GPHN: variants seen among roughly 807,000 people sequenced by gnomAD.
GPHN encodes the protein gephyrin.
GPHN carries 17 observed loss-of-function variants against 95.5 expected under a neutral mutation model. The ratio of observed to expected loss-of-function variants is 0.18; its 90% CI spans 0.12 to 0.27. The LOEUF is 0.27. Ranked by LOEUF, GPHN falls within the 10% of genes least tolerant of loss-of-function variation. GPHN has a pLI of 1.00. For missense variants in GPHN, 660 were observed against 978.1 expected (o/e 0.67, Z 4.34); for synonymous variants, 320 against 322.5 (o/e 0.99, Z 0.08).
the GPHN span, among the ~76,000 whole-genome samples, chr14:67,511,193 A>T: frequency 6.6e-6 from 1 of 152,184 alleles, no homozygotes; most frequent in Non-Finnish European, 1.5e-5. Flanking sequence ...TCGTCATTCA[A>T]GTCTAACTGC....
At chr14:66,812,348 G>A (rs954341361) in intron 3 of GPHN, among the ~76,000 whole-genome samples, 1 of 152,186 alleles carries the variant, frequency 6.6e-6, no homozygotes, top group African/African-American at 2.4e-5. Context: ...AAAATCCAGT[G>A]TCTATTCAAC....
At chr14:67,642,125 G>T in the GPHN span, 2 of 1,508,054 alleles carry the variant, frequency 1.3e-6, no homozygotes, top group Non-Finnish European at 1.8e-6. Flanking sequence ...TGTGGCCCAG[G>T]CTAGTTAAGA....
chr14:66,976,933 A>T (rs149721721), intron 9 of GPHN, among the ~76,000 whole-genome samples: 1 of 146,912 alleles, frequency 6.8e-6, no homozygotes. Context: ...GGGGGAGTAC[A>T]CTCTCACTAG....
chr14:67,087,552 G>C (rs898157713), intron 11 of GPHN, among the ~76,000 whole-genome samples: 2 of 152,144 alleles, frequency 1.3e-5, no homozygotes, highest in South Asian at 4.1e-4. Flanking sequence ...AGTATCTGAA[G>C]GTAGAATCTG....
At chr14:67,448,300 G>T in the GPHN span, among the ~76,000 whole-genome samples, 4 of 151,420 alleles carry the variant, frequency 2.6e-5, no homozygotes, top group South Asian at 8.3e-4. Context: ...CACCATGCCT[G>T]GCTAATTTTT....
chr14:67,476,404 T>C, the GPHN span, among the ~76,000 whole-genome samples: 5 of 151,968 alleles, frequency 3.3e-5, no homozygotes, highest in Admixed American at 3.3e-4. Flanking sequence ...CTGGCCGACA[T>C]GGTGAAACCC....
the GPHN span, among the ~76,000 whole-genome samples, chr14:67,566,530 A>G: frequency 6.6e-6 from 1 of 152,022 alleles, no homozygotes; most frequent in Non-Finnish European, 1.5e-5. Flanking sequence ...AGACTGCTTG[A>G]ACTCAGAAGT....
chr14:66,854,202 A>G (rs377050181), intron 4 of GPHN, among the ~76,000 whole-genome samples: 1 of 152,226 alleles, frequency 6.6e-6, no homozygotes, highest in Non-Finnish European at 1.5e-5. Context: ...AAATGTTGCC[A>G]TCACAGGAGT....
At chr14:66,800,863 G>A (rs1056813135) in intron 3 of GPHN, among the ~76,000 whole-genome samples, 4 of 151,852 alleles carry the variant, frequency 2.6e-5, no homozygotes, top group Admixed American at 6.6e-5. Flanking sequence ...TCTCTTGATC[G>A]TGTAGGCATG....
At chr14:67,244,484 A>T in the GPHN span, among the ~76,000 whole-genome samples, 1 of 152,240 alleles carries the variant, frequency 6.6e-6, no homozygotes, top group Admixed American at 6.5e-5. Flanking sequence ...TCTTTAAAAA[A>T]TATTTAACTC....
At chr14:67,022,301 A>G (rs2073670994) in intron 9 of GPHN, among the ~76,000 whole-genome samples, 1 of 151,928 alleles carries the variant, frequency 6.6e-6, no homozygotes, top group Non-Finnish European at 1.5e-5. Flanking sequence ...GTTTAGATTT[A>G]CACCCTCAAA....
Position 67,087,555 on chromosome 14 carries a change from A to G in GPHN, c.1145-1428A>G, listed in dbSNP as rs573061528. ...CAACATCCTAGGAGTATCTGAAGGT[A>G]GAATCTGCTAAGTTCTCCCTTCCAA... On this transcript the variant is annotated intron_variant, in intron 11 of 22. Transcript: ENST00000478722. Among the ~76,000 whole-genome samples the G allele has an allele frequency of 2.0e-5, 3 of 152,360 alleles. No homozygotes were observed. The East Asian group carries it at 5.8e-4, about 29-fold the overall frequency.
At chr14:66,585,144 C>T (rs1429376765) in intron 1 of GPHN, among the ~76,000 whole-genome samples, 1 of 152,092 alleles carries the variant, frequency 6.6e-6, no homozygotes, top group Non-Finnish European at 1.5e-5. Flanking sequence ...GGAATTTATC[C>T]ATTTCTTCTA....
At chr14:67,016,026 G>A (rs1035736241) in intron 9 of GPHN, among the ~76,000 whole-genome samples, 1 of 151,932 alleles carries the variant, frequency 6.6e-6, no homozygotes, top group South Asian at 2.1e-4. Flanking sequence ...TTAATTCAGT[G>A]ACCAATTTTA....
the GPHN span, among the ~76,000 whole-genome samples, chr14:67,438,392 A>G: frequency 6.6e-6 from 1 of 152,130 alleles, no homozygotes; most frequent in African/African-American, 2.4e-5. Flanking sequence ...GCAAAATGGG[A>G]CACAATCCTT....
At chr14:66,736,339 A>T (rs1248498172) in intron 2 of GPHN, among the ~76,000 whole-genome samples, 1 of 151,980 alleles carries the variant, frequency 6.6e-6, no homozygotes, top group African/African-American at 2.4e-5. Flanking sequence ...ATAGAAGTTA[A>T]GTACTACCGA....
rs112849396 is a variant in GPHN, at chr14:66,594,129, C to T, written c.64+85538C>T. On this transcript the variant is annotated intron_variant, in intron 1 of 22. Coordinates refer to ENST00000478722, the MANE Select transcript of GPHN (RefSeq NM_020806.5). ...CCCAAAGAGGTAAAAACTCTGTAAGCAGAAAACTATAAACCATTTATGAAA... is the reference window on the plus strand; with the variant it reads ...CCCAAAGAGGTAAAAACTCTGTAAGTAGAAAACTATAAACCATTTATGAAA... 9.6e-3 allele frequency among the ~76,000 whole-genome samples: 1,455 copies of T among 152,016 alleles called. 19 individuals carry two copies. Among genetic ancestry groups the T allele is most frequent in the African/African-American group, 0.032 (1,346 of 41,480 alleles).
the GPHN span, among the ~76,000 whole-genome samples, chr14:67,573,108 G>A: frequency 6.6e-6 from 1 of 152,186 alleles, no homozygotes. This position sits in a 1 kb window ranked among gnomAD's most constrained non-coding sequence, Gnocchi z 4.8. Context: ...AGTCCTCTCT[G>A]AACCATAGCA....
the GPHN span, among the ~76,000 whole-genome samples, chr14:67,412,513 T>G: frequency 1.3e-5 from 2 of 152,060 alleles, no homozygotes; most frequent in African/African-American, 2.4e-5. Context: ...GGACAGTGGG[T>G]GAGCCGAAAC....
Sources: allele counts gnomAD v4.1 joint callset (sites outside exome capture counted in the v4.1 genomes callset), GRCh38; gene constraint gnomAD v4.1.1; non-coding constraint Gnocchi (gnomAD v3.1); transcripts MANE v1.5; gene names NCBI Gene and HGNC (gene_info 2026-07-23, HGNC 2026-07-21).